LARP1B: variants seen among roughly 807,000 people sequenced by gnomAD.
LARP1B encodes the protein La ribonucleoprotein 1B.
LARP1B carries 76 observed loss-of-function variants against 114.2 expected under a neutral mutation model. The ratio of observed to expected loss-of-function variants is 0.67; its 90% CI spans 0.55 to 0.81. The LOEUF is 0.81. Among genes scored for constraint, LARP1B ranks in the 30% least tolerant of loss-of-function variants. The pLI is 0.00. For synonymous variants in LARP1B, 345 were observed against 348.0 expected (o/e 0.99, Z 0.10); for missense variants, 1,014 against 1,075.8 (o/e 0.94, Z 0.80).
intron 1 of LARP1B, among the ~76,000 whole-genome samples, chr4:128,062,961 G>C (rs1408143844): frequency 6.6e-6 from 1 of 152,128 alleles, no homozygotes; most frequent in East Asian, 1.9e-4. Context: ...GAAAATAATT[G>C]AAATAGGATA....
chr4:128,066,613 G>A (rs1023307120), intron 1 of LARP1B, among the ~76,000 whole-genome samples: 1 of 151,644 alleles, frequency 6.6e-6, no homozygotes, highest in African/African-American at 2.4e-5. Context: ...AAGTAGCTGG[G>A]ATAACAGGCA....
At chr4:128,108,575 G>C in intron 9 of LARP1B, 1 of 985,514 alleles carries the variant, frequency 1.0e-6, no homozygotes, top group Non-Finnish European at 1.2e-6. Context: ...TTCTTTGTCA[G>C]CCTTCTGCTT....
chr4:128,073,548 ATT>A (rs1437190970), intron 1 of LARP1B, among the ~76,000 whole-genome samples: 3 of 108,058 alleles, frequency 2.8e-5, no homozygotes, highest in African/African-American at 1.0e-4. Context: ...TGTATTTGTA[ATT>A]TTCTCCTGTT....
chr4:128,066,088 C>T (rs1250738441), intron 1 of LARP1B, among the ~76,000 whole-genome samples: 3 of 151,818 alleles, frequency 2.0e-5, no homozygotes, highest in African/African-American at 7.3e-5. Flanking sequence ...CCTGCCTCAG[C>T]CCCCACAAAG....
chr4:128,187,575 G>A (rs555211627), intron 15 of LARP1B, among the ~76,000 whole-genome samples: 18 of 152,332 alleles, frequency 1.2e-4, no homozygotes, highest in Admixed American at 2.6e-4. Context: ...GAAGGGACTA[G>A]CCTTGTCTCA....
In LARP1B at chr4:128,077,975, A is replaced by G. The variant is rs190534832; in HGVS notation, c.217+13A>G. On this transcript the variant is annotated intron_variant, in intron 4 of 19. Transcript: ENST00000326639. ...CAACGTAAGAGAGGTCAGTTTGTCC[A>G]TATCTTTATTTTGATTTTAGTTTTT... 2.1e-5 allele frequency: 32 copies of G among 1,497,204 alleles called. No individual in the cohort carries two copies. The East Asian group carries it at 7.3e-4, about 34-fold the overall frequency. The allele number at this position is 1,497,204 out of a possible 1,614,324, so 92.7% of individuals were successfully genotyped here.
chr4:128,146,479 A>G (rs1466789088), intron 11 of LARP1B, among the ~76,000 whole-genome samples: 2 of 152,220 alleles, frequency 1.3e-5, no homozygotes, highest in South Asian at 2.1e-4. Flanking sequence ...GATGTTAGCC[A>G]TATAATATAT....
rs1411881925 is a variant in LARP1B, at chr4:128,194,782, G to T, written c.2004-4657G>T. On this transcript the variant is annotated intron_variant, in intron 15 of 19. Coordinates refer to ENST00000326639, the MANE Select transcript of LARP1B (RefSeq NM_018078.4). The stretch of plus-strand genomic sequence containing the variant: ...CTTAGGAGGCTGAGGCAGGAGAATC[G>T]CTTGAACCTAGGAGGTGGAAATTGC... 2.1e-5 allele frequency among the ~76,000 whole-genome samples: 3 copies of T among 143,650 alleles called. No individual in the cohort carries two copies. In the Admixed American group the frequency reaches 2.2e-4, roughly 11 times the overall value. The allele number at this position is 143,650 out of a possible 152,430, so 94.2% of individuals were successfully genotyped here.
chr4:128,178,035 G>GATAT (rs35878913), intron 13 of LARP1B, among the ~76,000 whole-genome samples: 4,283 of 137,734 alleles, frequency 0.031, 91 homozygotes, highest in South Asian at 0.043. Context: ...TTTACAAAGT[G>GATAT]ATATATATAT....
At chr4:128,198,405 T>C (rs780622364) in intron 15 of LARP1B, among the ~76,000 whole-genome samples, 8 of 152,204 alleles carry the variant, frequency 5.3e-5, no homozygotes, top group Non-Finnish European at 8.8e-5. Context: ...CAAAAAGATA[T>C]GTACTCATGA....
At chr4:128,089,889 G>A (rs1775246094) in intron 5 of LARP1B, among the ~76,000 whole-genome samples, 1 of 151,640 alleles carries the variant, frequency 6.6e-6, no homozygotes, top group Non-Finnish European at 1.5e-5. Flanking sequence ...TTCTGCCTCA[G>A]CCTACTGAGT....
intron 11 of LARP1B, among the ~76,000 whole-genome samples, chr4:128,157,959 T>C (rs1215811103): frequency 6.6e-6 from 1 of 152,108 alleles, no homozygotes; most frequent in Non-Finnish European, 1.5e-5. Flanking sequence ...ATGGGAAGGG[T>C]AAATATGTGT....
intron 11 of LARP1B, among the ~76,000 whole-genome samples, chr4:128,131,455 G>T (rs879925669): frequency 2.0e-5 from 3 of 152,150 alleles, no homozygotes; most frequent in Non-Finnish European, 2.9e-5. Context: ...TATGCAAAGA[G>T]CTCTTACAAA....
chr4:128,113,851 A>C (rs184690370), intron 9 of LARP1B, among the ~76,000 whole-genome samples: 1 of 132,568 alleles, frequency 7.5e-6, no homozygotes, highest in Admixed American at 9.4e-5. Flanking sequence ...CAATAGCGCC[A>C]TCTCGGCTCA....
At position 128,091,054 on chromosome 4, in the gene LARP1B, A is replaced by G. The variant is rs1346214569; in HGVS notation, c.412A>G (p.Arg138Gly). Residue 138 changes from arginine (R) to glycine (G), a missense_variant, in exon 6 of 20, where the codon AGA becomes GGA. Transcript: ENST00000326639. ...RDDQDDVSSV[R>G]SEGGNIRGSF... ...TGATCAAGATGACGTTTCCAGTGTGAGAAGTGAGGGTGGTAATATCCGAGG... is the reference window on the plus strand; with the variant it reads ...TGATCAAGATGACGTTTCCAGTGTGGGAAGTGAGGGTGGTAATATCCGAGG... 4.3e-6 allele frequency: 7 copies of G among 1,613,710 alleles called. No individual in the cohort carries two copies. Among genetic ancestry groups the G allele is most frequent in the Admixed American group, 3.3e-5 (2 of 59,992 alleles).
At chr4:128,082,490 A>C (rs534741069) in intron 5 of LARP1B, among the ~76,000 whole-genome samples, 185 bp downstream of exon 5, 2 of 152,338 alleles carry the variant, frequency 1.3e-5, no homozygotes, top group South Asian at 4.1e-4. Flanking sequence ...ACAACAATGA[A>C]ACTTAACATT....
At chr4:128,097,370 C>T (rs1580309772) in intron 7 of LARP1B, among the ~76,000 whole-genome samples, 1 of 151,930 alleles carries the variant, frequency 6.6e-6, no homozygotes, top group East Asian at 1.9e-4. Context: ...TGCAATGACG[C>T]GATCTTGGCT....
At chr4:128,110,091 A>T (rs1783519538) in intron 9 of LARP1B, among the ~76,000 whole-genome samples, 1 of 151,934 alleles carries the variant, frequency 6.6e-6, no homozygotes, top group Non-Finnish European at 1.5e-5. Flanking sequence ...TTTAGTAGAG[A>T]TGGAGTTTCA....
chr4:128,169,037 A>G (rs1233506417), intron 12 of LARP1B, among the ~76,000 whole-genome samples: 3 of 152,054 alleles, frequency 2.0e-5, no homozygotes, highest in African/African-American at 7.2e-5. Flanking sequence ...TACCTATTGA[A>G]TTTATTCATT....
Sources: allele counts gnomAD v4.1 joint callset (sites outside exome capture counted in the v4.1 genomes callset), GRCh38; gene constraint gnomAD v4.1.1; transcripts MANE v1.5; gene names NCBI Gene and HGNC (gene_info 2026-07-23, HGNC 2026-07-21).